The following LHPP variants were observed in gnomAD, a reference collection of about 807,000 sequenced individuals.
LHPP encodes hLHPP.
In LHPP, 24 loss-of-function variants were observed where a neutral mutation model predicts 30.3. That is an observed-to-expected ratio of 0.79 (90% CI 0.57 to 1.11). The LOEUF (loss-of-function observed/expected upper bound fraction) is 1.11. Among genes scored for constraint, LHPP ranks in the 50% most tolerant of loss-of-function variants. The probability of loss-of-function intolerance (pLI) is 0.00; values close to 1 mark genes in which losing one functional copy is unlikely to be tolerated. For synonymous variants in LHPP, 150 were observed against 157.1 expected (o/e 0.95, Z 0.34); for missense variants, 356 against 367.2 (o/e 0.97, Z 0.25).
intron 5 of LHPP, among the ~76,000 whole-genome samples, chr10:124,505,316 G>T (rs1954032798): frequency 6.6e-6 from 1 of 152,012 alleles, no homozygotes; most frequent in South Asian, 2.1e-4. Flanking sequence ...AATGAAAAAT[G>T]CCTGCAAGGA....
intron 5 of LHPP, among the ~76,000 whole-genome samples, chr10:124,499,838 A>G (rs1564792015): frequency 6.6e-6 from 1 of 151,844 alleles, no homozygotes; most frequent in African/African-American, 2.4e-5. Context: ...AGATGGCCCA[A>G]AGCTGCCAAA....
intron 6 of LHPP, 38 bp from the exon 7 acceptor site, chr10:124,613,226 C>G: frequency 6.8e-7 from 1 of 1,477,704 alleles, no homozygotes; most frequent in Non-Finnish European, 9.5e-7. Flanking sequence ...GAGGGGTCAG[C>G]GTGGGGGCAC....
intron 5 of LHPP, among the ~76,000 whole-genome samples, chr10:124,501,638 C>T (rs957458737): frequency 4.1e-5 from 6 of 147,392 alleles, no homozygotes; most frequent in Non-Finnish European, 7.4e-5. Flanking sequence ...TATTCTGGAA[C>T]TGGACAGTGA....
At chr10:124,466,746 C>T (rs370899051) in intron 1 of LHPP, among the ~76,000 whole-genome samples, 49 of 152,028 alleles carry the variant, frequency 3.2e-4, no homozygotes, top group South Asian at 2.3e-3. Flanking sequence ...TGTGAGCCAC[C>T]GCGCCCAGCC....
At chr10:124,468,944 C>T (rs1262672095) in intron 1 of LHPP, among the ~76,000 whole-genome samples, 1 of 152,230 alleles carries the variant, frequency 6.6e-6, no homozygotes, top group Non-Finnish European at 1.5e-5. Context: ...TTGGAATTTT[C>T]CCTGGGGATT....
At position 124,472,193 on chromosome 10, in the gene LHPP, A is replaced by T. The variant is rs149816817; in HGVS notation, c.125+10206A>T. ...CTGGGTGTGGTGTTGTGCGCCTGTA[A>T]TCCTAGCTACTTGGGAGGCTGAGGC... On this transcript the variant is annotated intron_variant, in intron 1 of 6. Coordinates refer to ENST00000368842, the MANE Select transcript of LHPP (RefSeq NM_022126.4). Among the ~76,000 whole-genome samples, 743 of 151,870 alleles carry T rather than the reference A, an allele frequency of 4.9e-3. 5 individuals are homozygous for T. The highest frequency in any genetic ancestry group is 0.017 in the African/African-American group (701 of 41,516).
chr10:124,559,809 G>T (rs1948362585), intron 6 of LHPP, among the ~76,000 whole-genome samples: 1 of 152,226 alleles, frequency 6.6e-6, no homozygotes, highest in Non-Finnish European at 1.5e-5. Flanking sequence ...TCCCTTGCAG[G>T]CCTTTGGCAC....
chr10:124,509,505 C>T (rs934239096), intron 5 of LHPP, among the ~76,000 whole-genome samples: 11 of 152,088 alleles, frequency 7.2e-5, no homozygotes, highest in African/African-American at 2.7e-4. Context: ...ACCTTCCTGA[C>T]CTGCTGCGTA....
In LHPP at chr10:124,461,842, T is replaced by A. The variant is rs141786334; in HGVS notation, c.-21T>A. On this transcript the variant is annotated 5_prime_UTR_variant, in exon 1 of 7. Transcript: ENST00000368842. The stretch of plus-strand genomic sequence containing the variant: ...GCCGGCGTCGGTTGGGACGCGGAGC[T>A]GAGGAGCAGGGCCGGGCGCCATGGC... 2.0e-5 allele frequency: 25 copies of A among 1,234,396 alleles called. No homozygotes were observed. Among genetic ancestry groups the A allele is most frequent in the Non-Finnish European group, 2.4e-5 (24 of 985,714 alleles). 76.5% of individuals were successfully genotyped at this position (1,234,396 alleles called of 1,614,324 possible). A position where few individuals can be genotyped will look rare whatever the true frequency, so the allele number is the denominator to read the frequency against.
At chr10:124,595,511 G>A (rs1201813938) in intron 6 of LHPP, among the ~76,000 whole-genome samples, 1 of 152,260 alleles carries the variant, frequency 6.6e-6, no homozygotes, top group South Asian at 2.1e-4. Context: ...TGCTGGGAAG[G>A]CTGTCACTCC....
intron 6 of LHPP, among the ~76,000 whole-genome samples, chr10:124,599,592 TA>T (rs1311007065): frequency 6.6e-6 from 1 of 152,228 alleles, no homozygotes; most frequent in Non-Finnish European, 1.5e-5. Flanking sequence ...TCAGCCTGGC[TA>T]TGGGAGGCCC....
At chr10:124,466,249 A>G (rs575368037) in intron 1 of LHPP, among the ~76,000 whole-genome samples, 1 of 152,356 alleles carries the variant, frequency 6.6e-6, no homozygotes, top group African/African-American at 2.4e-5. Context: ...GCAAGCACAC[A>G]GCAGGATGCA....
intron 6 of LHPP, among the ~76,000 whole-genome samples, chr10:124,522,112 G>T (rs1199530812): frequency 6.6e-6 from 1 of 152,218 alleles, no homozygotes; most frequent in Non-Finnish European, 1.5e-5. Context: ...CCCCAGGAAA[G>T]CATCATCCCC....
At chr10:124,542,464 T>C (rs11245274) in intron 6 of LHPP, among the ~76,000 whole-genome samples, 58,648 of 152,146 alleles carry the variant, frequency 0.39, 12,696 homozygotes, top group East Asian at 0.57. Context: ...CCAGCCTGTG[T>C]GCTCAGGTCC....
At chr10:124,519,782 G>A (rs149034425) in intron 6 of LHPP, among the ~76,000 whole-genome samples, 11 of 152,118 alleles carry the variant, frequency 7.2e-5, no homozygotes, top group African/African-American at 2.6e-4. Context: ...TCCTTTTTAT[G>A]GCTAAGTAGT....
At chr10:124,587,711 G>C (rs989643452) in intron 6 of LHPP, among the ~76,000 whole-genome samples, 2 of 127,658 alleles carry the variant, frequency 1.6e-5, no homozygotes, top group African/African-American at 6.3e-5. Flanking sequence ...CTGCACTCCA[G>C]CCTGGGAGAC....
At chr10:124,598,562 G>A (rs1019096693) in intron 6 of LHPP, among the ~76,000 whole-genome samples, 17 of 152,176 alleles carry the variant, frequency 1.1e-4, no homozygotes, top group Non-Finnish European at 1.5e-5. Flanking sequence ...AGACAGTCAG[G>A]TCAGCATGAG....
At chr10:124,467,216 G>A (rs184354543) in intron 1 of LHPP, among the ~76,000 whole-genome samples, 54 of 152,202 alleles carry the variant, frequency 3.5e-4, no homozygotes, top group African/African-American at 9.6e-4. Context: ...GAGGTGGGGG[G>A]GCTTGGACTG....
intron 6 of LHPP, among the ~76,000 whole-genome samples, chr10:124,601,966 C>T (rs1029203833): frequency 6.6e-6 from 1 of 152,194 alleles, no homozygotes; most frequent in African/African-American, 2.4e-5. Flanking sequence ...CTCCAGGTCC[C>T]GTTGACCTCC....
Sources: allele counts gnomAD v4.1 joint callset (sites outside exome capture counted in the v4.1 genomes callset), GRCh38; gene constraint gnomAD v4.1.1; transcripts MANE v1.5; gene names NCBI Gene and HGNC (gene_info 2026-07-23, HGNC 2026-07-21).